Variants in KDM3A observed in about 807,000 individuals in gnomAD.
KDM3A encodes the protein lysine-specific demethylase 3A.
A neutral mutation model predicts 158.0 loss-of-function variants in KDM3A; 60 were observed. The ratio of observed to expected loss-of-function variants is 0.38; its 90% CI spans 0.31 to 0.47. KDM3A has a LOEUF of 0.47. KDM3A is among the 20% of genes least tolerant of loss of function. KDM3A has a pLI of 0.99. For missense variants in KDM3A, 1,319 were observed against 1,574.3 expected (o/e 0.84, Z 2.74); for synonymous variants, 608 against 549.3 (o/e 1.11, Z -1.49).
intron 12 of KDM3A, among the ~76,000 whole-genome samples, chr2:86,476,062 C>CTT (rs140888801): frequency 6.6e-6 from 1 of 152,126 alleles, no homozygotes; most frequent in African/African-American, 2.4e-5. Context: ...AGTGGAGACT[C>CTT]TAAGTCAAGA....
upstream of KDM3A, among the ~76,000 whole-genome samples, chr2:86,439,417 T>C (rs1005755875): frequency 2.0e-5 from 3 of 152,100 alleles, no homozygotes; most frequent in Admixed American, 2.0e-4. Context: ...AACCATAGTT[T>C]TTCTTTCTTA....
chr2:86,477,810 T>C, intron 12 of KDM3A, 67 bp from the exon 13 acceptor site: 1 of 1,463,388 alleles, frequency 6.8e-7, no homozygotes, highest in Non-Finnish European at 9.3e-7. Context: ...CAATAACCCC[T>C]ACCTTTCGTT....
At chr2:86,460,747 C>T (rs901762941) in intron 8 of KDM3A, 2 of 152,136 alleles carry the variant, frequency 1.3e-5, no homozygotes, top group Non-Finnish European at 2.9e-5. Flanking sequence ...TTCTATCATA[C>T]ACTCAATTAT....
At chr2:86,438,139 A>C (rs1472646174), upstream of KDM3A, among the ~76,000 whole-genome samples, 1 of 152,094 alleles carries the variant, frequency 6.6e-6, no homozygotes, top group Admixed American at 6.5e-5. Context: ...AGAGTTATAA[A>C]ATTTTCTTTT....
intron 3 of KDM3A, 58 bp from the exon 4 acceptor site, chr2:86,451,045 T>C: frequency 8.4e-7 from 1 of 1,193,142 alleles, no homozygotes; most frequent in Non-Finnish European, 1.2e-6. Flanking sequence ...TGCCAGTTCC[T>C]ATTTTCAGAA....
At chr2:86,485,658 C>A in intron 20 of KDM3A, 71 bp from the exon 21 acceptor site, 1 of 1,571,992 alleles carries the variant, frequency 6.4e-7, no homozygotes. Flanking sequence ...GTAGAAGGAA[C>A]AAAACAGGTT....
intron 15 of KDM3A, 104 bp downstream of exon 15, chr2:86,478,839 G>T: frequency 9.3e-7 from 1 of 1,072,580 alleles, no homozygotes; most frequent in Admixed American, 2.1e-5. Context: ...GGAACCTGGG[G>T]ATAGCTATCA....
At position 86,442,063 on chromosome 2, in the gene KDM3A, G is replaced by A. The variant is rs1320469544; in HGVS notation, c.16G>A (p.Gly6Arg). The A allele has an allele frequency of 6.2e-7, 1 of 1,614,020 alleles. No homozygotes were observed. The highest frequency in any genetic ancestry group is 1.7e-5 in the Admixed American group (1 of 60,026). Residue 6 changes from glycine to arginine, a missense_variant, in exon 2 of 26, where the codon GGA becomes AGA. Around this residue, in one of 4 missense-constraint regions of KDM3A, gnomAD observed 652 missense variants for 627.2 expected, o/e 1.04. Transcript: ENST00000312912. The part of the protein sequence containing the change: MVLTL[G>R]ESWPVLVGRR... Reference sequence around the variant, plus strand: ...CGTGGAAACCATGGTGCTCACGCTCGGAGAAAGTTGGCCGGTATTGGTGGG... The same window carrying A: ...CGTGGAAACCATGGTGCTCACGCTCAGAGAAAGTTGGCCGGTATTGGTGGG...
intron 11 of KDM3A, among the ~76,000 whole-genome samples, chr2:86,472,270 C>T (rs1292687614): frequency 1.3e-5 from 2 of 151,754 alleles, no homozygotes; most frequent in African/African-American, 4.8e-5. Context: ...AGTACCTTTG[C>T]CTAATGCTGC....
intron 9 of KDM3A, 66 bp downstream of exon 9, chr2:86,464,282 T>C: frequency 8.5e-7 from 1 of 1,182,066 alleles, no homozygotes. Context: ...CATGGCTCAT[T>C]GTTTTTATCC....
rs751949409 is a variant in KDM3A, at chr2:86,489,413, A to G, written c.3409A>G (p.Lys1137Glu). The change falls in exon 22 of 26, where the codon AAA becomes GAA. Residue 1137 changes from lysine to glutamate, a missense_variant. Transcript: ENST00000312912. ...ANVMVYVGIPKGQCEQEEEVL... is the reference protein window; with the variant it reads ...ANVMVYVGIPEGQCEQEEEVL... ...TGTCATGGTCTATGTGGGAATTCCC[A>G]AAGGACAGTGTGAGCAAGAAGAAGG... The G allele has an allele frequency of 1.2e-6, 2 of 1,614,056 alleles. No individual in the cohort carries two copies. The highest frequency in any genetic ancestry group is 1.7e-6 in the Non-Finnish European group (2 of 1,179,970).
chr2:86,489,256 G>A, intron 21 of KDM3A, 62 bp from the exon 22 acceptor site: 1 of 1,571,326 alleles, frequency 6.4e-7, no homozygotes, highest in African/African-American at 1.4e-5. Flanking sequence ...CAGGTAGGTA[G>A]TGGAAAGACT....
intron 5 of KDM3A, among the ~76,000 whole-genome samples, chr2:86,456,026 A>G (rs1406601505): frequency 1.3e-5 from 2 of 151,812 alleles, no homozygotes; most frequent in East Asian, 1.9e-4. Context: ...GTGGAATTTG[A>G]TATGTTTGGA....
chr2:86,477,736 A>G, intron 12 of KDM3A, 141 bp from the exon 13 acceptor site: 1 of 706,302 alleles, frequency 1.4e-6, no homozygotes, highest in Non-Finnish European at 2.3e-6. Flanking sequence ...CATGGGGTGG[A>G]GGACAGCATT....
At chr2:86,470,595 AT>A (rs1472589188) in intron 11 of KDM3A, among the ~76,000 whole-genome samples, 187 bp downstream of exon 11, 1 of 151,984 alleles carries the variant, frequency 6.6e-6, no homozygotes, top group Admixed American at 6.6e-5. Context: ...CTTATTTTTG[AT>A]TTTTTTTAAA....
chr2:86,447,339 CCTGT>C (rs1459005832), intron 2 of KDM3A, among the ~76,000 whole-genome samples: 1 of 149,136 alleles, frequency 6.7e-6, no homozygotes, highest in Non-Finnish European at 1.5e-5. Context: ...GGAAAGGGGC[CCTGT>C]CTGTCTTTTG....
chr2:86,445,700 A>T (rs1461047710), intron 2 of KDM3A, among the ~76,000 whole-genome samples: 2 of 152,196 alleles, frequency 1.3e-5, no homozygotes, highest in African/African-American at 4.8e-5. Flanking sequence ...ACACCATTGA[A>T]ACTTTAATGT....
Position 86,456,432 on chromosome 2 carries a change from T to C in KDM3A, c.557-10T>C. The stretch of plus-strand genomic sequence containing the variant: ...TGCTCTAAGATTTTTTTTTTTTTTT[T>C]TTTTTTAAGGTGACAAAAACTTAGT... On this transcript the variant is annotated splice_polypyrimidine_tract_variant and intron_variant, in intron 5 of 25. Transcript: ENST00000312912. 7.0e-7 allele frequency: 1 copy of C among 1,432,672 alleles called. No individual in the cohort carries two copies. The highest frequency in any genetic ancestry group is 2.6e-5 in the East Asian group (1 of 37,906). The allele number at this position is 1,432,672 out of a possible 1,614,324, so 88.7% of individuals were successfully genotyped here.
intron 19 of KDM3A, 68 bp downstream of exon 19, chr2:86,484,226 C>A: frequency 7.2e-7 from 1 of 1,384,376 alleles, no homozygotes; most frequent in South Asian, 1.4e-5. Flanking sequence ...TGGCAGGAGT[C>A]TGAGACCCAT....
Sources: allele counts gnomAD v4.1 joint callset (sites outside exome capture counted in the v4.1 genomes callset), GRCh38; gene constraint gnomAD v4.1.1; regional missense constraint gnomAD v4.1.1; transcripts MANE v1.5; gene names NCBI Gene and HGNC (gene_info 2026-07-23, HGNC 2026-07-21).